IL10RA: variants seen among roughly 807,000 people sequenced by gnomAD.
IL10RA encodes the protein interleukin 10 receptor subunit alpha, also known as interleukin-10 receptor subunit alpha.
A neutral mutation model predicts 29.6 loss-of-function variants in IL10RA; 18 were observed. The observed-to-expected ratio is 0.61, with a 90% CI of 0.42 to 0.90. The LOEUF is 0.90. Ranked by LOEUF, IL10RA falls within the 40% of genes least tolerant of loss-of-function variation. The pLI is 0.00. For missense variants in IL10RA, 634 were observed against 716.6 expected (o/e 0.88, Z 1.32); for synonymous variants, 292 against 294.1 (o/e 0.99, Z 0.07).
rs752174 is a variant in IL10RA, at chr11:117,999,774, C to T, written c.*133C>T. On this transcript the variant is annotated 3_prime_UTR_variant, in exon 7 of 7. Coordinates refer to ENST00000227752, the MANE Select transcript of IL10RA (RefSeq NM_001558.4). ...TCTGCAAGTCCACTGGGGCTGGCCC[C>T]AGCCAGGCCCTGCAGGGCTGGTCAG... 1,109 of 808,300 alleles carry T rather than the reference C, an allele frequency of 1.4e-3. 13 individuals are homozygous for T. Among genetic ancestry groups the T allele is most frequent in the East Asian group, 0.013 (491 of 37,946 alleles). The allele number at this position is 808,300 out of a possible 1,614,324, so 50.1% of individuals were successfully genotyped here.
chr11:117,993,694 C>T (rs1199321666), intron 4 of IL10RA, among the ~76,000 whole-genome samples: 49 of 152,214 alleles, frequency 3.2e-4, no homozygotes, highest in Non-Finnish European at 2.9e-5. Context: ...CCAGAGGGCG[C>T]CCCTGTTATG....
chr11:117,993,998 G>A lies in IL10RA; in HGVS notation c.538-1G>A. On this transcript the variant is annotated splice_acceptor_variant, in intron 4 of 6. Transcript: ENST00000227752. LOFTEE classifies it high-confidence loss of function. Reference sequence around the variant, plus strand: ...GTTAATTGCTATCATTTTTGTTTCAGTTCACACACAAGAAAGTAAAACATG... The same window carrying A: ...GTTAATTGCTATCATTTTTGTTTCAATTCACACACAAGAAAGTAAAACATG... 6.2e-7 allele frequency: 1 copy of A among 1,613,652 alleles called. No individual in the cohort carries two copies. Among genetic ancestry groups the A allele is most frequent in the Non-Finnish European group, 8.5e-7 (1 of 1,179,548 alleles).
Position 117,999,592 on chromosome 11 carries a change from C to G in IL10RA, c.1688C>G (p.Ser563Ter). ...APGGLLGSFN[S>*]DLVTLPLISS... is the part of the protein sequence containing the mutation. ...GGTGGTCTCCTGGGCAGCTTTAACT[C>G]AGACCTGGTCACCCTGCCCCTCATC... The change falls in exon 7 of 7, where the codon TCA becomes TGA. Residue 563 changes from serine (S) to a stop codon, truncating the protein, a stop_gained. Coordinates refer to ENST00000227752, the MANE Select transcript of IL10RA (RefSeq NM_001558.4). LOFTEE classifies it high-confidence loss of function. 2 of 1,614,186 alleles carry G rather than the reference C, an allele frequency of 1.2e-6. No individual in the cohort carries two copies. Among genetic ancestry groups the G allele is most frequent in the Non-Finnish European group, 1.7e-6 (2 of 1,180,034 alleles).
chr11:117,994,018 A>AACATGAAAACTTCAGCCTCCT lies in IL10RA; in HGVS notation c.559_579dup (p.His187_Leu193dup), dbSNP rs781485945. ...TTTCAGTTCACACACAAGAAAGTAA[A>AACATGAAAACTTCAGCCTCCT]ACATGAAAACTTCAGCCTCCTAACC... On this transcript the variant is annotated inframe_insertion, in exon 5 of 7. Transcript: ENST00000227752. 1.2e-5 allele frequency: 19 copies of AACATGAAAACTTCAGCCTCCT among 1,613,978 alleles called. No homozygotes were observed. The South Asian group carries it at 1.4e-4, about 12-fold the overall frequency.
intron 1 of IL10RA, chr11:117,987,556 C>G (rs1186239867): frequency 6.5e-6 from 1 of 153,932 alleles, no homozygotes; most frequent in Non-Finnish European, 1.4e-5. Context: ...CAGCCGTTGG[C>G]CTTGCACATA....
chr11:117,990,438 A>G (rs1456111880), intron 3 of IL10RA, among the ~76,000 whole-genome samples: 1 of 152,018 alleles, frequency 6.6e-6, no homozygotes. Flanking sequence ...GGAAATCACC[A>G]TATTTGTATA....
At chr11:117,992,527 T>A (rs2058030109) in intron 3 of IL10RA, among the ~76,000 whole-genome samples, 1 of 152,250 alleles carries the variant, frequency 6.6e-6, no homozygotes, top group African/African-American at 2.4e-5. Flanking sequence ...TTTACCCATT[T>A]TAAAAACAGG....
At position 117,999,572 on chromosome 11, in the gene IL10RA, T is replaced by C; in HGVS notation, c.1668T>C (p.Gly556=). The C allele has an allele frequency of 6.2e-7, 1 of 1,614,056 alleles. No individual in the cohort carries two copies. Among genetic ancestry groups the C allele is most frequent in the Non-Finnish European group, 8.5e-7 (1 of 1,179,960 alleles). Residue 556 remains glycine, a synonymous_variant, in exon 7 of 7, where the codon GGT becomes GGC. Coordinates refer to ENST00000227752, the MANE Select transcript of IL10RA (RefSeq NM_001558.4). ...TAGGCTGTGTGGCAGCCCCAGGTGG[T>C]CTCCTGGGCAGCTTTAACTCAGACC... The part of the protein sequence containing the change: ...APLGCVAAPG[G]LLGSFNSDLV...
At chr11:117,998,632 C>T (rs2058071079) in intron 6 of IL10RA, 83 bp from the exon 7 acceptor site, 3 of 1,209,574 alleles carry the variant, frequency 2.5e-6, no homozygotes, top group East Asian at 2.3e-5. Flanking sequence ...AGCTCTCCTC[C>T]TGGGCCTGGC....
chr11:117,992,224 G>A (rs2058027506), intron 3 of IL10RA, among the ~76,000 whole-genome samples: 1 of 152,190 alleles, frequency 6.6e-6, no homozygotes, highest in Non-Finnish European at 1.5e-5. Context: ...CCAGTAGTGG[G>A]AATTGCTGGA....
chr11:117,991,464 G>A (rs561131655), intron 3 of IL10RA, among the ~76,000 whole-genome samples: 1 of 152,038 alleles, frequency 6.6e-6, no homozygotes, highest in Non-Finnish European at 1.5e-5. Context: ...TATTACTACA[G>A]TCACCTTGCC....
At chr11:118,001,856 T>C (rs553453377), downstream of IL10RA, 921 of 178,410 alleles carry the variant, frequency 5.2e-3, 9 homozygotes, top group African/African-American at 0.021. Context: ...ACAGCTTTTC[T>C]TGGAAACAAG....
chr11:117,988,637 A>G (rs908728598), intron 2 of IL10RA, 135 bp downstream of exon 2: 4 of 979,798 alleles, frequency 4.1e-6, no homozygotes, highest in Middle Eastern at 2.3e-4. Context: ...CCAGCAGTTG[A>G]CAAGTACTGA....
downstream of IL10RA, chr11:118,001,930 G>A (rs1197076829): frequency 1.3e-5 from 2 of 158,668 alleles, no homozygotes; most frequent in African/African-American, 4.8e-5. Context: ...AGGAAGAGGT[G>A]GAAAGCACAA....
intron 4 of IL10RA, among the ~76,000 whole-genome samples, chr11:117,993,622 A>C (rs1269442388): frequency 6.6e-6 from 1 of 152,204 alleles, no homozygotes; most frequent in Non-Finnish European, 1.5e-5. Flanking sequence ...CTACTAGGGC[A>C]ATTGGGCACC....
chr11:117,996,733 G>A (rs2058059418), intron 6 of IL10RA, among the ~76,000 whole-genome samples: 1 of 152,214 alleles, frequency 6.6e-6, no homozygotes, highest in South Asian at 2.1e-4. Flanking sequence ...TGGGATTACA[G>A]GCATCTGCCA....
intron 3 of IL10RA, among the ~76,000 whole-genome samples, chr11:117,991,287 C>T (rs181021552): frequency 3.9e-5 from 6 of 152,264 alleles, no homozygotes; most frequent in African/African-American, 1.4e-4. Flanking sequence ...AATAATTCTA[C>T]ATGTTTATGA....
Position 118,001,163 on chromosome 11 carries a change from G to C in IL10RA, c.*1522G>C, listed in dbSNP as rs190005348. 2 of 454,230 alleles carry C rather than the reference G, an allele frequency of 4.4e-6. No individual in the cohort carries two copies. Among genetic ancestry groups the C allele is most frequent in the African/African-American group, 2.0e-5 (1 of 50,116 alleles). 28.1% of individuals were successfully genotyped at this position (454,230 alleles called of 1,614,324 possible). Reference sequence around the variant, plus strand: ...CAGGCTTGAGGGAGGATTCCTCAGGGTTCCCTTGAAAGCTTTATTTATTTA... The same window carrying C: ...CAGGCTTGAGGGAGGATTCCTCAGGCTTCCCTTGAAAGCTTTATTTATTTA... On this transcript the variant is annotated 3_prime_UTR_variant, in exon 7 of 7. Transcript: ENST00000227752.
intron 1 of IL10RA, chr11:117,987,530 G>A (rs926444079): frequency 1.3e-5 from 2 of 153,810 alleles, no homozygotes; most frequent in African/African-American, 4.8e-5. Flanking sequence ...TCAAGGAGGA[G>A]AGAAAGGGAA....
Sources: gnomAD v4.1 joint callset for allele counts (sites outside exome capture counted in the v4.1 genomes callset) on GRCh38, gnomAD v4.1.1 for gene constraint, MANE v1.5 for transcripts, NCBI Gene and HGNC (gene_info 2026-07-23, HGNC 2026-07-21) for gene names.